Variants in PLPP7 observed in about 807,000 individuals in gnomAD.
The protein encoded by PLPP7 is inactive phospholipid phosphatase 7.
Under a neutral mutation model 16.9 loss-of-function variants are expected in PLPP7, and 11 were observed. The ratio of observed to expected loss-of-function variants is 0.65; its 90% CI spans 0.41 to 1.08. The LOEUF (loss-of-function observed/expected upper bound fraction) is 1.08, where lower values mean the gene tolerates loss of function less well. PLPP7 is among the 50% of genes least tolerant of loss of function. The pLI, the probability that PLPP7 is intolerant of heterozygous loss-of-function variation, is 0.00. For synonymous variants in PLPP7, 174 were observed against 175.1 expected (o/e 0.99, Z 0.05); for missense variants, 358 against 397.1 (o/e 0.90, Z 0.84).
In PLPP7 at chr9:131,295,535, A is replaced by G. The variant is rs943338258; in HGVS notation, c.451+5087A>G. 3.3e-5 allele frequency among the ~76,000 whole-genome samples: 5 copies of G among 152,220 alleles called. No homozygotes were observed. The highest frequency in any genetic ancestry group is 1.2e-4 in the African/African-American group (5 of 41,462). ...TGATCATTGTAGTCATTTGAAGTGT[A>G]CAGTTCAGTGGCATTGAGTCCATTC... is the stretch of plus-strand genomic sequence containing the variant. On this transcript the variant is annotated intron_variant, in intron 1 of 1. Transcript: ENST00000372264. The surrounding 1 kb of genome is among the most constrained non-coding windows in gnomAD (Gnocchi z 4.0).
chr9:131,307,245 C>CA (rs1205183897), intron 1 of PLPP7, among the ~76,000 whole-genome samples: 5,058 of 97,816 alleles, frequency 0.052, 143 homozygotes, highest in East Asian at 0.14. Flanking sequence ...GACCCTGTAT[C>CA]AAAAAAAAAA....
chr9:131,291,464 T>G, intron 1 of PLPP7: 144 of 1,051,952 alleles, frequency 1.4e-4, no homozygotes, highest in Middle Eastern at 4.7e-4. Context: ...CTGGAGGCTC[T>G]ATGCTCTCTG....
chr9:131,307,979 G>A lies in PLPP7; in HGVS notation c.508G>A (p.Gly170Ser), dbSNP rs759533456. The change falls in exon 2 of 2, where the codon GGC becomes AGC. Residue 170 changes from glycine (G) to serine (S), a missense_variant. Transcript: ENST00000372264. ...CGTGCAGAAGCTCATCAAGCGGCGC[G>A]GCCCGTACGAGACGAGCCCCAGCCT... ...AGVQKLIKRR[G>S]PYETSPSLLD... 1.2e-5 allele frequency: 19 copies of A among 1,599,830 alleles called. No individual in the cohort carries two copies. Among genetic ancestry groups the A allele is most frequent in the Non-Finnish European group, 1.4e-5 (16 of 1,179,586 alleles).
intron 1 of PLPP7, among the ~76,000 whole-genome samples, chr9:131,304,046 G>C (rs1029566193): frequency 1.6e-4 from 24 of 152,240 alleles, no homozygotes; most frequent in African/African-American, 5.5e-4. Flanking sequence ...CAGGGGCACG[G>C]GCTCCCTGCC....
rs772294395 is a variant in PLPP7 at position 131,290,019 on chromosome 9, G to C, written c.22G>C (p.Ala8Pro). The C allele has an allele frequency of 7.0e-7, 1 of 1,432,122 alleles. No homozygotes were observed. The highest frequency in any genetic ancestry group is 1.5e-5 in the African/African-American group (1 of 68,300). The allele number at this position is 1,432,122 out of a possible 1,614,324, so 88.7% of individuals were successfully genotyped here. The change falls in exon 1 of 2, where the codon GCC becomes CCC. Residue 8 changes from alanine (A) to proline (P), a missense_variant. Ala to Pro is a conservative substitution (Grantham distance 27, BLOSUM62 -1). Transcript: ENST00000372264. This position sits in a 1 kb window ranked among gnomAD's most constrained non-coding sequence, Gnocchi z 4.2. MPASQSR[A>P]RARDRNNVLN... ...CACCATGCCAGCTTCCCAGAGCCGG[G>C]CCCGTGCCCGGGACCGCAACAACGT...
At chr9:131,306,228 C>T (rs546533415) in intron 1 of PLPP7, among the ~76,000 whole-genome samples, 3 of 151,542 alleles carry the variant, frequency 2.0e-5, no homozygotes, top group East Asian at 2.0e-4. Flanking sequence ...CTGAGCGAGA[C>T]TCTGTCTCAA....
At chr9:131,306,445 G>A (rs1185472143) in intron 1 of PLPP7, among the ~76,000 whole-genome samples, 1 of 143,666 alleles carries the variant, frequency 7.0e-6, no homozygotes, top group Non-Finnish European at 1.5e-5. Context: ...AGGAGGCTGA[G>A]GCACGAAAAT....
Position 131,290,046 on chromosome 9 carries a change from C to T in PLPP7, c.49C>T (p.Leu17Phe), listed in dbSNP as rs1276967263. 14 of 1,463,160 alleles carry T rather than the reference C, an allele frequency of 9.6e-6. No individual in the cohort carries two copies. The highest frequency in any genetic ancestry group is 2.5e-5 in the Admixed American group (1 of 39,462). The allele number at this position is 1,463,160 out of a possible 1,614,324, so 90.6% of individuals were successfully genotyped here. A position where few individuals can be genotyped will look rare whatever the true frequency, so the allele number is the denominator to read the frequency against. The change falls in exon 1 of 2, where the codon CTC (leucine) becomes TTC (phenylalanine). Residue 17 changes from leucine (L) to phenylalanine (F), a missense_variant. Physicochemically the swap from Leu to Phe is conservative, Grantham distance 22 (BLOSUM62 0). Transcript: ENST00000372264. This position sits in a 1 kb window ranked among gnomAD's most constrained non-coding sequence, Gnocchi z 4.2. ...RARARDRNNV[L>F]NRAEFLSLNQ... The stretch of plus-strand genomic sequence containing the variant: ...CCGTGCCCGGGACCGCAACAACGTC[C>T]TCAACCGGGCTGAGTTCCTGTCCCT...
rs889500626 is a variant in PLPP7, at chr9:131,290,853, T to G, written c.451+405T>G. ...CCTGCCCCACGGCTGAGGTCCTCGCTCCTTGACAGCTCCCAGCCAGGCTGT... is the reference window on the plus strand; with the variant it reads ...CCTGCCCCACGGCTGAGGTCCTCGCGCCTTGACAGCTCCCAGCCAGGCTGT... On this transcript the variant is annotated intron_variant, in intron 1 of 1. Transcript: ENST00000372264. This position sits in a 1 kb window ranked among gnomAD's most constrained non-coding sequence, Gnocchi z 4.2. Among the ~76,000 whole-genome samples, 1 of 152,032 alleles carries G rather than the reference T, an allele frequency of 6.6e-6. No homozygotes were observed. The highest frequency in any genetic ancestry group is 2.1e-4 in the South Asian group (1 of 4,822).
At chr9:131,305,587 GA>G (rs1213019334) in intron 1 of PLPP7, among the ~76,000 whole-genome samples, 1 of 151,984 alleles carries the variant, frequency 6.6e-6, no homozygotes, top group African/African-American at 2.4e-5. Context: ...CTCTTTTTAA[GA>G]CAGGGTCTCA....
intron 1 of PLPP7, among the ~76,000 whole-genome samples, chr9:131,297,178 T>C (rs1417626434): frequency 6.6e-6 from 1 of 152,106 alleles, no homozygotes; most frequent in East Asian, 1.9e-4. Context: ...AGAAATGCAA[T>C]AGTTTGTGGT....
intron 1 of PLPP7, among the ~76,000 whole-genome samples, chr9:131,297,380 T>C (rs1835745126): frequency 7.8e-6 from 1 of 128,232 alleles, no homozygotes; most frequent in Non-Finnish European, 1.6e-5. Flanking sequence ...CTTTAGCAGG[T>C]GGAGTCTTTT....
At chr9:131,305,866 C>G (rs1014701067) in intron 1 of PLPP7, among the ~76,000 whole-genome samples, 3 of 152,056 alleles carry the variant, frequency 2.0e-5, no homozygotes, top group African/African-American at 4.8e-5. Flanking sequence ...TGGGCTCAAG[C>G]AATATGCTCA....
chr9:131,291,541 C>A, intron 1 of PLPP7: 1 of 268,944 alleles, frequency 3.7e-6, no homozygotes, highest in Non-Finnish European at 5.7e-6. Flanking sequence ...CTGCCACCTT[C>A]GAGGTTTTCT....
chr9:131,299,366 A>AGAAGGGGATGTAGG (rs58232246), intron 1 of PLPP7, among the ~76,000 whole-genome samples: 16 of 151,848 alleles, frequency 1.1e-4, no homozygotes, highest in Admixed American at 8.5e-4. Context: ...CCTTGAGTCA[A>AGAAGGGGATGTAGG]CTGGTCGACT....
At chr9:131,294,925 T>C (rs1276026284) in intron 1 of PLPP7, among the ~76,000 whole-genome samples, 2 of 151,670 alleles carry the variant, frequency 1.3e-5, no homozygotes, top group Non-Finnish European at 2.9e-5. Context: ...GATTACAGGC[T>C]TGAGCCACTG....
intron 1 of PLPP7, among the ~76,000 whole-genome samples, chr9:131,300,468 T>C (rs1173592627): frequency 6.6e-6 from 1 of 152,068 alleles, no homozygotes; most frequent in African/African-American, 2.4e-5. Flanking sequence ...GAGGATCACT[T>C]GAGCTCAGGA....
At chr9:131,304,433 G>A (rs1251127841) in intron 1 of PLPP7, among the ~76,000 whole-genome samples, 9 of 152,190 alleles carry the variant, frequency 5.9e-5, no homozygotes, top group South Asian at 2.1e-4. Flanking sequence ...TCAGGAGTTC[G>A]AGACCAGCCT....
In PLPP7 at chr9:131,308,365, C is replaced by T. The variant is rs1296181846; in HGVS notation, c.*78C>T. 38 of 1,477,656 alleles carry T rather than the reference C, an allele frequency of 2.6e-5. No individual in the cohort carries two copies. Among genetic ancestry groups the T allele is most frequent in the Admixed American group, 6.6e-5 (3 of 45,456 alleles). 91.5% of individuals were successfully genotyped at this position (1,477,656 alleles called of 1,614,324 possible). On this transcript the variant is annotated 3_prime_UTR_variant, in exon 2 of 2. Transcript: ENST00000372264. ...GGGCAGGGGGTGGCGAGGTGGCGGGCGTGGGTGGAACAGAGCGGCCAGGAG... is the reference window on the plus strand; with the variant it reads ...GGGCAGGGGGTGGCGAGGTGGCGGGTGTGGGTGGAACAGAGCGGCCAGGAG...
Sources: gnomAD v4.1 joint callset for allele counts (sites outside exome capture counted in the v4.1 genomes callset) on GRCh38, gnomAD v4.1.1 for gene constraint, Gnocchi (gnomAD v3.1) non-coding constraint, MANE v1.5 for transcripts, NCBI Gene and HGNC (gene_info 2026-07-23, HGNC 2026-07-21) for gene names.